The following CDC14B variants were observed in gnomAD, a reference collection of about 807,000 sequenced individuals.
The protein encoded by CDC14B is cell division cycle 14B.
A neutral mutation model predicts 64.2 loss-of-function variants in CDC14B; 22 were observed. The observed-to-expected ratio is 0.34, with a 90% CI of 0.24 to 0.49. The LOEUF (loss-of-function observed/expected upper bound fraction) is 0.49, where lower values mean the gene tolerates loss of function less well. Ranked by LOEUF, CDC14B falls within the 20% of genes least tolerant of loss-of-function variation. The pLI, the probability that CDC14B is intolerant of heterozygous loss-of-function variation, is 0.99. For missense variants in CDC14B, 498 were observed against 629.9 expected, an observed-to-expected ratio of 0.79 and a Z score of 2.24; for synonymous variants, 191 against 215.8, an observed-to-expected ratio of 0.89 and a Z score of 1.01.
exon 14 of CDC14B, chr9:96,491,530 C>G (rs1265286916): frequency 6.6e-6 from 1 of 152,144 alleles, no homozygotes; most frequent in Non-Finnish European, 1.5e-5. Context: ...TCTTCCCTTT[C>G]CTGGAAAAGG....
intron 9 of CDC14B, among the ~76,000 whole-genome samples, chr9:96,528,017 A>G (rs757771548): frequency 6.6e-6 from 1 of 152,230 alleles, no homozygotes; most frequent in Admixed American, 6.5e-5. Flanking sequence ...ATACAACTGG[A>G]TTCATACAAT....
At chr9:96,554,143 G>A (rs561382276) in intron 4 of CDC14B, among the ~76,000 whole-genome samples, 157 of 152,078 alleles carry the variant, frequency 1.0e-3, no homozygotes, top group Non-Finnish European at 2.1e-3. Context: ...CAGCATGGGC[G>A]ACAGACCAAG....
chr9:96,568,597 G>C (rs1453599125), intron 1 of CDC14B, among the ~76,000 whole-genome samples: 1 of 152,194 alleles, frequency 6.6e-6, no homozygotes, highest in African/African-American at 2.4e-5. Flanking sequence ...CAAATGGGAA[G>C]TTTGGGAGAA....
chr9:96,524,756 TC>T (rs528027455), intron 9 of CDC14B, among the ~76,000 whole-genome samples: 6 of 152,144 alleles, frequency 3.9e-5, no homozygotes, highest in Non-Finnish European at 5.9e-5. Flanking sequence ...CCATCAACTC[TC>T]CCATGTTTCC....
intron 1 of CDC14B, among the ~76,000 whole-genome samples, chr9:96,608,218 G>C (rs945792418): frequency 6.6e-6 from 1 of 152,174 alleles, no homozygotes; most frequent in Non-Finnish European, 1.5e-5. Flanking sequence ...AACATGTCTG[G>C]ATTGAATTAG....
intron 1 of CDC14B, among the ~76,000 whole-genome samples, chr9:96,589,428 C>T (rs1027295962): frequency 6.6e-6 from 1 of 152,064 alleles, no homozygotes; most frequent in African/African-American, 2.4e-5. Flanking sequence ...CTTAATCACA[C>T]AGCCTAAATT....
At chr9:96,585,272 C>T (rs1845394770) in intron 1 of CDC14B, among the ~76,000 whole-genome samples, 1 of 151,454 alleles carries the variant, frequency 6.6e-6, no homozygotes, top group Non-Finnish European at 1.5e-5. Context: ...ATACATGTGG[C>T]ATGGTGGTTT....
At chr9:96,570,629 A>T (rs58011643) in intron 1 of CDC14B, among the ~76,000 whole-genome samples, 7,246 of 152,324 alleles carry the variant, frequency 0.048, 587 homozygotes, top group African/African-American at 0.16. Flanking sequence ...AGGAAAGAAC[A>T]CGGGGAGCAG....
At chr9:96,565,852 A>C (rs542059087) in intron 1 of CDC14B, among the ~76,000 whole-genome samples, 13 of 152,248 alleles carry the variant, frequency 8.5e-5, no homozygotes, top group Non-Finnish European at 1.8e-4. Context: ...GATGAATTTC[A>C]CTACGTTTTT....
intron 1 of CDC14B, among the ~76,000 whole-genome samples, chr9:96,605,990 G>A (rs182701626): frequency 9.3e-4 from 142 of 151,896 alleles, no homozygotes; most frequent in African/African-American, 3.1e-3. Context: ...AGCTTTTATA[G>A]CATTAAACAA....
At position 96,539,108 on chromosome 9, in the gene CDC14B, T is replaced by C; in HGVS notation, c.597A>G (p.Ser199=). 6.2e-7 allele frequency: 1 copy of C among 1,610,718 alleles called. No individual in the cohort carries two copies. Among genetic ancestry groups the C allele is most frequent in the Non-Finnish European group, 8.5e-7 (1 of 1,177,078 alleles). The change falls in exon 7 of 14, where the codon TCA becomes TCG. Residue 199 remains serine (S), a synonymous_variant. Coordinates refer to ENST00000375241, the MANE Select transcript of CDC14B (RefSeq NM_033331.4). ...AGTGTTCATATTCATCAAGGTTAAA[T>C]GAGTTGAAATTAAGGAAGCCATACT... is the stretch of plus-strand genomic sequence containing the variant. ...AMQYGFLNFN[S]FNLDEYEHYE...
chr9:96,490,964 GC>G (rs1423980318), exon 14 of CDC14B: 7 of 152,206 alleles, frequency 4.6e-5, no homozygotes, highest in Non-Finnish European at 7.3e-5. Flanking sequence ...CCTCTTTATT[GC>G]TTTTGGTGAA....
At chr9:96,547,258 A>T (rs1841066058) in intron 5 of CDC14B, among the ~76,000 whole-genome samples, 1 of 151,744 alleles carries the variant, frequency 6.6e-6, no homozygotes, top group Non-Finnish European at 1.5e-5. Context: ...TGAGGTCGGG[A>T]GTTCAAGACC....
At chr9:96,514,394 C>A in intron 12 of CDC14B, 5 of 983,450 alleles carry the variant, frequency 5.1e-6, no homozygotes, top group Non-Finnish European at 6.0e-6. Context: ...GAAGAAAACA[C>A]CCAAAAGGTT....
At chr9:96,553,411 T>C (rs1842092279) in intron 4 of CDC14B, among the ~76,000 whole-genome samples, 1 of 150,290 alleles carries the variant, frequency 6.7e-6, no homozygotes, top group Non-Finnish European at 1.5e-5. Flanking sequence ...TAGGCTGGAG[T>C]GCAATGGTGT....
Position 96,522,550 on chromosome 9 carries a change from G to C in CDC14B, c.1299C>G (p.Ala433=). 6.2e-7 allele frequency: 1 copy of C among 1,613,780 alleles called. No individual in the cohort carries two copies. The highest frequency in any genetic ancestry group is 8.5e-7 in the Non-Finnish European group (1 of 1,179,698). ...NGVTQGDRLR[A]LKSRRQSKTN... ...TTTTGGATTGTCTTCTGCTTTTCAA[G>C]GCCCGAAGTCTATCACCTTGTGTCA... Residue 433 remains alanine, a synonymous_variant, in exon 12 of 14, where the codon GCC becomes GCG. Coordinates refer to ENST00000375241, the MANE Select transcript of CDC14B (RefSeq NM_033331.4).
intron 5 of CDC14B, among the ~76,000 whole-genome samples, chr9:96,545,037 T>C (rs944069076): frequency 3.9e-5 from 6 of 152,180 alleles, no homozygotes; most frequent in Non-Finnish European, 2.9e-5. Context: ...ATCTACTGAA[T>C]CAAAGTTCTC....
intron 1 of CDC14B, among the ~76,000 whole-genome samples, chr9:96,571,401 C>A (rs1315604816): frequency 6.6e-6 from 1 of 152,070 alleles, no homozygotes; most frequent in African/African-American, 2.4e-5. Context: ...GTCTCAATCT[C>A]CTGACCTCGT....
chr9:96,503,823 A>G (rs747148403), intron 13 of CDC14B, 34 bp from the exon 14 acceptor site: 2 of 1,569,020 alleles, frequency 1.3e-6, no homozygotes, highest in African/African-American at 1.4e-5. Context: ...TTTACCAGAA[A>G]GTTTACACAG....
Sources: gnomAD v4.1 joint callset for allele counts (sites outside exome capture counted in the v4.1 genomes callset) on GRCh38, gnomAD v4.1.1 for gene constraint, MANE v1.5 for transcripts, NCBI Gene and HGNC (gene_info 2026-07-23, HGNC 2026-07-21) for gene names.